ASMTL: variants seen among roughly 807,000 people sequenced by gnomAD.
ASMTL encodes probable bifunctional dTTP/UTP pyrophosphatase/methyltransferase protein.
In ASMTL, 57 loss-of-function variants were observed where a neutral mutation model predicts 60.3. The ratio of observed to expected loss-of-function variants is 0.95; its 90% confidence interval spans 0.76 to 1.18. The LOEUF (loss-of-function observed/expected upper bound fraction) is 1.18, where lower values mean the gene tolerates loss of function less well. ASMTL is among the 50% of genes most tolerant of loss of function. The probability of loss-of-function intolerance (pLI) is 0.00; values close to 1 mark genes in which losing one functional copy is unlikely to be tolerated. For synonymous variants in ASMTL, 419 were observed against 373.0 expected, an observed-to-expected ratio of 1.12 and a Z score of -1.42; for missense variants, 981 against 852.6, an observed-to-expected ratio of 1.15 and a Z score of -1.88.
chrX:1,430,888 T>G (rs1241922445), intron 6 of ASMTL, among the ~76,000 whole-genome samples: 1 of 144,304 alleles, frequency 6.9e-6, no homozygotes, highest in Non-Finnish European at 1.5e-5. Context: ...AAAATATATT[T>G]TATATAATTA....
chrX:1,405,750 A>G (rs1322654521), intron 12 of ASMTL, among the ~76,000 whole-genome samples: 1 of 151,034 alleles, frequency 6.6e-6, no homozygotes, highest in Non-Finnish European at 1.5e-5. Context: ...GGATGGGTGA[A>G]TAGATGGTAG....
intron 11 of ASMTL, among the ~76,000 whole-genome samples, chrX:1,416,382 T>C (rs1208583261): frequency 4.9e-5 from 2 of 40,762 alleles, no homozygotes; most frequent in East Asian, 4.6e-3. Context: ...CATGCACAGA[T>C]GGGCACACAC....
Position 1,425,687 on chromosome X carries a change from CCT to C in ASMTL, c.898-2_898-1del. Reference sequence around the variant, plus strand: ...TTCAGTTTGCAAGCGGTGAGCAGGCCCTGTTAAAAGCAAGTGCAGAGAGACTC... The same window carrying C: ...TTCAGTTTGCAAGCGGTGAGCAGGCCGTTAAAAGCAAGTGCAGAGAGACTC... On this transcript the variant is annotated splice_acceptor_variant, in intron 7 of 12. Transcript: ENST00000381317. LOFTEE classifies it high-confidence loss of function. 1 of 1,613,034 alleles carries C rather than the reference CCT, an allele frequency of 6.2e-7. No individual in the cohort carries two copies. Among genetic ancestry groups the C allele is most frequent in the Non-Finnish European group, 8.5e-7 (1 of 1,179,566 alleles).
At chrX:1,419,340 T>G (rs1331860709) in intron 9 of ASMTL, among the ~76,000 whole-genome samples, 3 of 152,100 alleles carry the variant, frequency 2.0e-5, no homozygotes, top group African/African-American at 7.2e-5. Context: ...ACGATCTCCT[T>G]GGAATCACTT....
chrX:1,426,662 G>A (rs1278556748), intron 7 of ASMTL, among the ~76,000 whole-genome samples: 2 of 152,148 alleles, frequency 1.3e-5, no homozygotes, highest in Non-Finnish European at 2.9e-5. Context: ...AGACCATCCT[G>A]GCCAACATAG....
Position 1,452,730 on chromosome X carries a change from C to T in ASMTL, c.93+18G>A, listed in dbSNP as rs773163019. The T allele has an allele frequency of 7.6e-6, 12 of 1,576,224 alleles. No homozygotes were observed. The highest frequency in any genetic ancestry group is 8.6e-6 in the Non-Finnish European group (10 of 1,168,036). On this transcript the variant is annotated intron_variant, in intron 1 of 12. Coordinates refer to ENST00000381317, the MANE Select transcript of ASMTL (RefSeq NM_004192.4). ...CCTCCGTCCCCGGTCCCCTGCCCCG[C>T]CCAGGCCCAGGCCGTACCGCGTTGC...
At chrX:1,418,754 C>G (rs377004279) in intron 10 of ASMTL, among the ~76,000 whole-genome samples, 5 of 152,238 alleles carry the variant, frequency 3.3e-5, no homozygotes, top group African/African-American at 1.2e-4. Flanking sequence ...CTCAGCTCCG[C>G]AGCCAAAAGA....
In ASMTL at chrX:1,418,157, A is replaced by G. The variant is rs372282800; in HGVS notation, c.1379-41T>C. On this transcript the variant is annotated intron_variant, in intron 10 of 12. Coordinates refer to ENST00000381317, the MANE Select transcript of ASMTL (RefSeq NM_004192.4). ...TGCATGCTCTGTGGCTGGGTCGTCTATGGAACTCTGACGACTCTCCAAAGC... is the reference window on the plus strand; with the variant it reads ...TGCATGCTCTGTGGCTGGGTCGTCTGTGGAACTCTGACGACTCTCCAAAGC... 208 of 1,554,666 alleles carry G rather than the reference A, an allele frequency of 1.3e-4. No homozygotes were observed. The Middle Eastern group carries it at 1.4e-3, about 10-fold the overall frequency.
chrX:1,431,949 T>C, intron 6 of ASMTL: 1 of 382,226 alleles, frequency 2.6e-6, no homozygotes, highest in African/African-American at 2.0e-5. Context: ...GCCAGCGTCC[T>C]GGGCACAGAC....
At chrX:1,411,529 G>A (rs1175033994) in intron 12 of ASMTL, among the ~76,000 whole-genome samples, 9 of 152,076 alleles carry the variant, frequency 5.9e-5, no homozygotes, top group African/African-American at 1.4e-4. Context: ...CTGGGTGGAC[G>A]GGGGAGAAAC....
At chrX:1,413,788 G>C (rs2090128036) in intron 11 of ASMTL, 1 of 152,372 alleles carries the variant, frequency 6.6e-6, no homozygotes, top group Non-Finnish European at 1.5e-5. Flanking sequence ...AGACACAGAG[G>C]AGAAGGCCAC....
In ASMTL at chrX:1,427,967, G is replaced by T. The variant is rs372242779; in HGVS notation, c.664C>A (p.Arg222=). Residue 222 remains arginine (R), a synonymous_variant, in exon 7 of 13, where the codon CGG becomes AGG. Transcript: ENST00000381317. The part of the protein sequence containing the change: ...YYPPRPEDLR[R]SVKHDSIPAA... ...GGGATGGAGTCGTGCTTGACACTCC[G>T]CCGCAGGTCCTCCGGACGGGGCGGG... is the stretch of plus-strand genomic sequence containing the variant. 1.2e-6 allele frequency: 2 copies of T among 1,613,502 alleles called. No individual in the cohort carries two copies. The highest frequency in any genetic ancestry group is 1.7e-6 in the Non-Finnish European group (2 of 1,179,818).
At chrX:1,407,134 C>G (rs188206232) in intron 12 of ASMTL, among the ~76,000 whole-genome samples, 2 of 130,884 alleles carry the variant, frequency 1.5e-5, no homozygotes, top group East Asian at 4.9e-4. Flanking sequence ...GATGGGTGAA[C>G]TGATGGTAGA....
In ASMTL at chrX:1,435,090, GACA is replaced by G; in HGVS notation, c.339-10_339-8del. On this transcript the variant is annotated splice_region_variant and splice_polypyrimidine_tract_variant and intron_variant, in intron 4 of 12. Transcript: ENST00000381317. The stretch of plus-strand genomic sequence containing the variant: ...GTGTTCTCTCCCACTCAACCTGTAA[GACA>G]ACAACGGGTGACCACGTGACCATGC... 1.2e-6 allele frequency: 2 copies of G among 1,613,970 alleles called. No individual in the cohort carries two copies. Among genetic ancestry groups the G allele is most frequent in the African/African-American group, 1.3e-5 (1 of 75,052 alleles).
Position 1,442,246 on chromosome X carries a change from A to C in ASMTL, c.165T>G (p.Tyr55Ter). Residue 55 changes from tyrosine to a stop codon, truncating the protein, a stop_gained, in exon 2 of 13, where the codon TAT becomes TAG. Transcript: ENST00000381317. LOFTEE classifies it high-confidence loss of function. ...KLDKASFATP[Y>*]GYAMETAKQK... ...GCTTGGCGGTCTCCATGGCGTACCC[A>C]TACGGAGTAGCGAAGGAGGCTTTGT... is the stretch of plus-strand genomic sequence containing the variant. 1 of 1,613,926 alleles carries C rather than the reference A, an allele frequency of 6.2e-7. No homozygotes were observed. The highest frequency in any genetic ancestry group is 8.5e-7 in the Non-Finnish European group (1 of 1,179,862).
At chrX:1,416,457 GGACACGCA>G (rs1324873558) in intron 11 of ASMTL, among the ~76,000 whole-genome samples, 8 of 65,510 alleles carry the variant, frequency 1.2e-4, no homozygotes, top group East Asian at 1.3e-3. Flanking sequence ...ATGCACAGAT[GGACACGCA>G]GACACACATG....
chrX:1,433,670 ACT>A (rs1428821517), intron 5 of ASMTL, among the ~76,000 whole-genome samples: 1 of 151,102 alleles, frequency 6.6e-6, no homozygotes, highest in African/African-American at 2.4e-5. Context: ...ATAAAGCGAG[ACT>A]CTGTCACAAA....
chrX:1,437,113 A>G (rs2090986474), intron 3 of ASMTL, among the ~76,000 whole-genome samples: 1 of 150,524 alleles, frequency 6.6e-6, no homozygotes, highest in Admixed American at 6.7e-5. Context: ...GTCACAGAAT[A>G]CCACAGACTG....
At chrX:1,422,201 A>C (rs2090500569) in intron 8 of ASMTL, among the ~76,000 whole-genome samples, 1 of 152,072 alleles carries the variant, frequency 6.6e-6, no homozygotes, top group African/African-American at 2.4e-5. Flanking sequence ...GTGGCTGTGG[A>C]GGTGTGCTGT....
Sources: gnomAD v4.1 joint callset for allele counts (sites outside exome capture counted in the v4.1 genomes callset) on GRCh38, gnomAD v4.1.1 for gene constraint, MANE v1.5 for transcripts, NCBI Gene and HGNC (gene_info 2026-07-23, HGNC 2026-07-21) for gene names.